The following ADGRB3 variants were observed in gnomAD, a reference collection of about 807,000 sequenced individuals.
ADGRB3 encodes the protein brain-specific angiogenesis inhibitor 3.
A neutral mutation model predicts 193.4 loss-of-function variants in ADGRB3; 37 were observed. That is an observed-to-expected ratio of 0.19 (90% CI 0.15 to 0.25). ADGRB3 has a LOEUF of 0.25. Ranked by LOEUF, ADGRB3 falls within the 10% of genes least tolerant of loss-of-function variation. ADGRB3 has a pLI of 1.00. For synonymous variants in ADGRB3, 690 were observed against 644.2 expected (o/e 1.07, Z -1.08); for missense variants, 1,637 against 1,852.9 (o/e 0.88, Z 2.14).
In ADGRB3 at chr6:69,200,518, G is replaced by A. The variant is rs557899389; in HGVS notation, c.2481-32772G>A. 5.3e-5 allele frequency among the ~76,000 whole-genome samples: 8 copies of A among 152,244 alleles called. No homozygotes were observed. In the East Asian group the frequency reaches 1.5e-3, roughly 29 times the overall value. On this transcript the variant is annotated intron_variant, in intron 17 of 31. Transcript: ENST00000370598. ...CATGACACCTGAGACAAAATGGTGA[G>A]TGTCAAAGTCTGGGACACCAACTGG... is the stretch of plus-strand genomic sequence containing the variant.
intron 20 of ADGRB3, among the ~76,000 whole-genome samples, chr6:69,270,571 G>C (rs1767151596): frequency 3.3e-5 from 5 of 152,130 alleles, no homozygotes. Context: ...AAATGAAGCT[G>C]ATTAAATACA....
chr6:68,869,788 G>T (rs1765406131), intron 3 of ADGRB3, among the ~76,000 whole-genome samples: 1 of 150,890 alleles, frequency 6.6e-6, no homozygotes, highest in South Asian at 2.1e-4. Context: ...CGGGTGGCGG[G>T]GAGACAGAGT....
intron 3 of ADGRB3, among the ~76,000 whole-genome samples, chr6:68,728,508 A>C (rs58953691): frequency 0.036 from 5,419 of 151,652 alleles, 305 homozygotes; most frequent in African/African-American, 0.12. Context: ...ATTTTTAAAA[A>C]CACTCGTGCA....
At chr6:69,080,163 C>T (rs1772346928) in intron 17 of ADGRB3, among the ~76,000 whole-genome samples, 1 of 152,052 alleles carries the variant, frequency 6.6e-6, no homozygotes, top group Non-Finnish European at 1.5e-5. Flanking sequence ...CACAGTATAA[C>T]TCCTAGCAAA....
chr6:69,157,638 T>C (rs1354920445), intron 17 of ADGRB3, among the ~76,000 whole-genome samples: 1 of 151,176 alleles, frequency 6.6e-6, no homozygotes, highest in Non-Finnish European at 1.5e-5. Flanking sequence ...AAGTTTCTAA[T>C]AAATGATTAG....
chr6:68,664,748 A>C (rs1175582456), intron 3 of ADGRB3, among the ~76,000 whole-genome samples: 2 of 151,830 alleles, frequency 1.3e-5, no homozygotes, highest in African/African-American at 4.8e-5. Context: ...ACAGTGGTAG[A>C]ATGATGATTT....
intron 17 of ADGRB3, among the ~76,000 whole-genome samples, chr6:69,203,720 C>T (rs1765481763): frequency 6.6e-6 from 1 of 152,116 alleles, no homozygotes; most frequent in East Asian, 1.9e-4. Flanking sequence ...TTACATCTTT[C>T]TTCTAAACTA....
In ADGRB3 at chr6:69,382,820, C is replaced by CT; in HGVS notation, c.4276-5dup. On this transcript the variant is annotated splice_polypyrimidine_tract_variant and intron_variant, in intron 30 of 31. Transcript: ENST00000370598. Reference sequence around the variant, plus strand: ...AGTTGGGGATGAGAGCTATCTTGTTCTTTTTTGCAGAAGGTCATGCATACA... The same window carrying CT: ...AGTTGGGGATGAGAGCTATCTTGTTCTTTTTTTGCAGAAGGTCATGCATACA... The CT allele has an allele frequency of 3.8e-6, 6 of 1,577,636 alleles. No homozygotes were observed. The highest frequency in any genetic ancestry group is 4.3e-6 in the Non-Finnish European group (5 of 1,156,996).
chr6:69,302,368 A>G (rs1253459572), intron 20 of ADGRB3, among the ~76,000 whole-genome samples: 1 of 151,982 alleles, frequency 6.6e-6, no homozygotes, highest in East Asian at 1.9e-4. Flanking sequence ...AAGAAGGCCT[A>G]GAGAATGAGA....
chr6:69,203,309 T>G (rs1765471455), intron 17 of ADGRB3, among the ~76,000 whole-genome samples: 1 of 152,116 alleles, frequency 6.6e-6, no homozygotes, highest in South Asian at 2.1e-4. Context: ...CAACTACACC[T>G]TGTTATAACC....
intron 17 of ADGRB3, among the ~76,000 whole-genome samples, chr6:69,109,005 C>G (rs1194972261): frequency 1.3e-5 from 2 of 152,160 alleles, no homozygotes; most frequent in Non-Finnish European, 2.9e-5. Flanking sequence ...CAACACCCTA[C>G]TAACTGGTCA....
intron 20 of ADGRB3, among the ~76,000 whole-genome samples, chr6:69,253,647 C>T (rs898274627): frequency 6.6e-6 from 1 of 152,086 alleles, no homozygotes; most frequent in African/African-American, 2.4e-5. Flanking sequence ...TGCTCTAGGG[C>T]AAATACTCTG....
At chr6:69,289,278 C>T (rs532321409) in intron 20 of ADGRB3, among the ~76,000 whole-genome samples, 2 of 152,256 alleles carry the variant, frequency 1.3e-5, no homozygotes, top group East Asian at 3.9e-4. Context: ...TAAATAATAC[C>T]TTCACATACA....
At chr6:68,948,368 A>G (rs1280049293) in intron 6 of ADGRB3, among the ~76,000 whole-genome samples, 4 of 152,130 alleles carry the variant, frequency 2.6e-5, no homozygotes, top group Admixed American at 6.6e-5. Context: ...TGATTTGATC[A>G]CTTTAGAACC....
intron 3 of ADGRB3, among the ~76,000 whole-genome samples, chr6:68,880,833 A>G (rs958010782): frequency 2.6e-5 from 4 of 152,178 alleles, no homozygotes; most frequent in African/African-American, 9.7e-5. Flanking sequence ...ATCATATTCT[A>G]GTCATTGTTG....
intron 29 of ADGRB3, among the ~76,000 whole-genome samples, chr6:69,366,145 T>C (rs969213864): frequency 1.6e-4 from 25 of 152,236 alleles, no homozygotes; most frequent in Non-Finnish European, 3.2e-4. Flanking sequence ...ACATTTTTTT[T>C]CTCATGTAAG....
At chr6:68,957,445 T>C (rs933207300) in intron 8 of ADGRB3, among the ~76,000 whole-genome samples, 2 of 152,138 alleles carry the variant, frequency 1.3e-5, no homozygotes, top group Admixed American at 6.6e-5. Context: ...AATAAGTAAG[T>C]GAAAGTCAGG....
At chr6:68,761,173 C>T (rs768702328) in intron 3 of ADGRB3, among the ~76,000 whole-genome samples, 4 of 152,188 alleles carry the variant, frequency 2.6e-5, no homozygotes, top group Non-Finnish European at 4.4e-5. Context: ...ATTCGGATCA[C>T]ATACCCTGTT....
At chr6:68,668,327 G>A (rs1001651144) in intron 3 of ADGRB3, among the ~76,000 whole-genome samples, 13 of 151,856 alleles carry the variant, frequency 8.6e-5, no homozygotes, top group African/African-American at 2.2e-4. Context: ...GAACCCTACC[G>A]ACAGGGAAGT....
Sources: gnomAD v4.1 joint callset for allele counts (sites outside exome capture counted in the v4.1 genomes callset) on GRCh38, gnomAD v4.1.1 for gene constraint, MANE v1.5 for transcripts, NCBI Gene and HGNC (gene_info 2026-07-23, HGNC 2026-07-21) for gene names.